The following MCAT variants were observed in gnomAD, a reference collection of about 807,000 sequenced individuals.
The protein encoded by MCAT is malonyl-CoA-acyl carrier protein transacylase, mitochondrial.
Under a neutral mutation model 22.9 loss-of-function variants are expected in MCAT, and 22 were observed. The observed-to-expected ratio is 0.96, with a 90% confidence interval of 0.69 to 1.37. The LOEUF is 1.37. MCAT is among the 40% of genes most tolerant of loss of function. The pLI is 0.00. For missense variants in MCAT, 534 were observed against 533.6 expected (o/e 1.00, Z -0.01); for synonymous variants, 240 against 233.9 (o/e 1.03, Z -0.24).
chr22:43,136,235 C>A (rs941746577), intron 3 of MCAT, among the ~76,000 whole-genome samples: 4 of 152,184 alleles, frequency 2.6e-5, no homozygotes, highest in Admixed American at 2.0e-4. Flanking sequence ...CACAGTGAGA[C>A]CCTGTCTCAA....
rs140137125 is a variant in MCAT, at chr22:43,133,088, C to T, written c.1128G>A (p.Gln376=). ...GGTCCAGGTCCACATGTTCGAGGGT[C>T]TGCAGCACATCCACGGCGCTGTAGG... is the stretch of plus-strand genomic sequence containing the variant. ...WKSYSAVDVL[Q]TLEHVDLDPQ... Residue 376 remains glutamine, a synonymous_variant, in exon 4 of 4, where the codon CAG becomes CAA. Coordinates refer to ENST00000290429, the MANE Select transcript of MCAT (RefSeq NM_173467.5). The T allele has an allele frequency of 6.2e-7, 1 of 1,614,074 alleles. No individual in the cohort carries two copies. The highest frequency in any genetic ancestry group is 1.1e-5 in the South Asian group (1 of 91,084).
intron 1 of MCAT, 34 bp downstream of exon 1, chr22:43,142,892 C>G: frequency 6.8e-7 from 1 of 1,471,198 alleles, no homozygotes; most frequent in Middle Eastern, 1.8e-4. Context: ...CAGAGCTCAC[C>G]TTCCCCCTCC....
rs1930491491 is a variant in MCAT at position 43,133,032 on chromosome 22, GC to G, written c.*10del. ...GGACAGAGGGGGTCATCGCATTTGA[GC>G]CCCCTGCAGTCATCTCGGGGGCTCC... On this transcript the variant is annotated 3_prime_UTR_variant, in exon 4 of 4. Coordinates refer to ENST00000290429, the MANE Select transcript of MCAT (RefSeq NM_173467.5). The G allele has an allele frequency of 1.9e-6, 3 of 1,607,932 alleles. No individual in the cohort carries two copies. The highest frequency in any genetic ancestry group is 1.7e-4 in the Middle Eastern group (1 of 5,852).
Position 43,143,282 on chromosome 22 carries a change from A to G in MCAT, c.67T>C (p.Ser23Pro). 1 of 1,433,280 alleles carries G rather than the reference A, an allele frequency of 7.0e-7. No individual in the cohort carries two copies. The highest frequency in any genetic ancestry group is 9.1e-7 in the Non-Finnish European group (1 of 1,104,702). The allele number at this position is 1,433,280 out of a possible 1,614,324, so 88.8% of individuals were successfully genotyped here. A position where few individuals can be genotyped will look rare whatever the true frequency, so the allele number is the denominator to read the frequency against. ...GLGASYRRGA[S>P]SFPVPPPGAQ... ...CCCGGCGGAGGCACCGGGAAGCTCG[A>G]GGCGCCGCGGCGGTAGCTGGCGCCC... Residue 23 changes from serine to proline, a missense_variant, in exon 1 of 4, where the codon TCG becomes CCG. Ser to Pro is a moderately conservative substitution (Grantham distance 74, BLOSUM62 -1). Transcript: ENST00000290429.
At chr22:43,141,116 G>T in intron 2 of MCAT, 46 bp downstream of exon 2, 1 of 1,546,218 alleles carries the variant, frequency 6.5e-7, no homozygotes, top group South Asian at 1.1e-5. Flanking sequence ...TACCCCTAAT[G>T]AGCCCAAGAC....
rs751898598 is a variant in MCAT at position 43,137,314 on chromosome 22, C to G, written c.512-16G>C. 2 of 1,605,762 alleles carry G rather than the reference C, an allele frequency of 1.2e-6. No individual in the cohort carries two copies. Among genetic ancestry groups the G allele is most frequent in the South Asian group, 1.1e-5 (1 of 90,630 alleles). ...GCATACAAACCTGGCCAGAGAGAAGCGCATTTGGAAAAATGAGGGCACAGA... is the reference window on the plus strand; with the variant it reads ...GCATACAAACCTGGCCAGAGAGAAGGGCATTTGGAAAAATGAGGGCACAGA... On this transcript the variant is annotated splice_polypyrimidine_tract_variant and intron_variant, in intron 2 of 3. Coordinates refer to ENST00000290429, the MANE Select transcript of MCAT (RefSeq NM_173467.5).
intron 1 of MCAT, among the ~76,000 whole-genome samples, chr22:43,142,056 A>G (rs919188700): frequency 6.6e-6 from 1 of 152,248 alleles, no homozygotes; most frequent in African/African-American, 2.4e-5. Flanking sequence ...AATTCTTTTA[A>G]TATCCCTGAG....
chr22:43,132,360 G>A lies in MCAT; in HGVS notation c.*683C>T, dbSNP rs1183406271. 1 of 152,462 alleles carries A rather than the reference G, an allele frequency of 6.6e-6. No individual in the cohort carries two copies. The highest frequency in any genetic ancestry group is 2.4e-5 in the African/African-American group (1 of 41,432). The allele number at this position is 152,462 out of a possible 1,614,324, so 9.4% of individuals were successfully genotyped here. A position where few individuals can be genotyped will look rare whatever the true frequency, so the allele number is the denominator to read the frequency against. The stretch of plus-strand genomic sequence containing the variant: ...TGGGTGACCAGGGTGTTCCTCCATG[G>A]TTCCACCCCTAGGACCAGGGCCTCA... On this transcript the variant is annotated 3_prime_UTR_variant, in exon 4 of 4. Coordinates refer to ENST00000290429, the MANE Select transcript of MCAT (RefSeq NM_173467.5).
At position 43,132,793 on chromosome 22, in the gene MCAT, C is replaced by T; in HGVS notation, c.*250G>A. The T allele has an allele frequency of 2.0e-6, 1 of 511,954 alleles. No individual in the cohort carries two copies. The highest frequency in any genetic ancestry group is 3.5e-6 in the Non-Finnish European group (1 of 283,190). 31.7% of individuals were successfully genotyped at this position (511,954 alleles called of 1,614,324 possible). ...AGAGGCGGGGCCAGGATTCTAGCTT[C>T]CCCACACACCAGCCCTGTGGCATCA... On this transcript the variant is annotated 3_prime_UTR_variant, in exon 4 of 4. Coordinates refer to ENST00000290429, the MANE Select transcript of MCAT (RefSeq NM_173467.5).
intron 1 of MCAT, 46 bp from the exon 2 acceptor site, chr22:43,141,295 C>G: frequency 6.5e-7 from 1 of 1,533,532 alleles, no homozygotes; most frequent in Non-Finnish European, 9.0e-7. Context: ...TCCTGGGGAT[C>G]CCAGTTCCAG....
At chr22:43,137,840 AG>A (rs2147035027) in intron 2 of MCAT, among the ~76,000 whole-genome samples, 1 of 152,148 alleles carries the variant, frequency 6.6e-6, no homozygotes, top group South Asian at 2.1e-4. Flanking sequence ...AACCTCCTTG[AG>A]GTTCAAATTT....
intron 1 of MCAT, among the ~76,000 whole-genome samples, chr22:43,141,641 G>A (rs1601745313): frequency 6.6e-6 from 1 of 152,036 alleles, no homozygotes; most frequent in East Asian, 1.9e-4. Flanking sequence ...GCGTGATCTC[G>A]GCTCACTGCA....
intron 3 of MCAT, 131 bp from the exon 4 acceptor site, chr22:43,133,617 C>G: frequency 1.5e-6 from 1 of 652,718 alleles, no homozygotes; most frequent in African/African-American, 1.8e-5. Flanking sequence ...GACATGTGAC[C>G]TGTCTGTCCC....
In MCAT at chr22:43,133,014, G is replaced by T. The variant is rs146686454; in HGVS notation, c.*29C>A. 2,172 of 1,601,250 alleles carry T rather than the reference G, an allele frequency of 1.4e-3. 38 individuals are homozygous for T. In the East Asian group the frequency reaches 0.043, roughly 31 times the overall value. On this transcript the variant is annotated 3_prime_UTR_variant, in exon 4 of 4. Transcript: ENST00000290429. ...TACAGCCTCTCCTCAGGAGGACAGA[G>T]GGGGTCATCGCATTTGAGCCCCCTG...
Position 43,143,232 on chromosome 22 carries a change from C to T in MCAT, c.117G>A (p.Leu39=). 6.6e-7 allele frequency: 1 copy of T among 1,513,046 alleles called. No individual in the cohort carries two copies. Among genetic ancestry groups the T allele is most frequent in the Non-Finnish European group, 8.8e-7 (1 of 1,140,692 alleles). 93.7% of individuals were successfully genotyped at this position (1,513,046 alleles called of 1,614,324 possible). The part of the protein sequence containing the change: ...PPGAQGVAEL[L]RDATGAEEEA... ...CCTCCTCCGCCCCGGTCGCATCTCG[C>T]AGCAGCTCCGCTACACCCTGGGCGC... Residue 39 remains leucine (L), a synonymous_variant, in exon 1 of 4, where the codon CTG becomes CTA. Coordinates refer to ENST00000290429, the MANE Select transcript of MCAT (RefSeq NM_173467.5).
intron 3 of MCAT, 26 bp from the exon 4 acceptor site, chr22:43,133,512 G>A (rs989529213): frequency 1.2e-5 from 18 of 1,550,892 alleles, no homozygotes; most frequent in Middle Eastern, 1.8e-4. Context: ...GGTTTCAGCC[G>A]AGCAATGTCC....
chr22:43,133,104 G>A lies in MCAT; in HGVS notation c.1112C>T (p.Ala371Val). ...CNMQAWKSYS[A>V]VDVLQTLEHV... ...TTCGAGGGTCTGCAGCACATCCACG[G>A]CGCTGTAGGACTTCCAGGCCTGCAT... The change falls in exon 4 of 4, where the codon GCC becomes GTC. Residue 371 changes from alanine (A) to valine (V), a missense_variant. Physicochemically the swap from Ala to Val is moderately conservative, Grantham distance 64 (BLOSUM62 0). Coordinates refer to ENST00000290429, the MANE Select transcript of MCAT (RefSeq NM_173467.5). 2 of 1,614,168 alleles carry A rather than the reference G, an allele frequency of 1.2e-6. No individual in the cohort carries two copies. The highest frequency in any genetic ancestry group is 1.7e-6 in the Non-Finnish European group (2 of 1,180,036).
chr22:43,134,058 A>AC (rs1930535593), intron 3 of MCAT, among the ~76,000 whole-genome samples: 1 of 152,008 alleles, frequency 6.6e-6, no homozygotes, highest in Admixed American at 6.6e-5. Flanking sequence ...GAGCCGCCGC[A>AC]CCCGGATCTC....
At chr22:43,135,732 C>T (rs1213373441) in intron 3 of MCAT, among the ~76,000 whole-genome samples, 1 of 152,142 alleles carries the variant, frequency 6.6e-6, no homozygotes, top group Non-Finnish European at 1.5e-5. Flanking sequence ...TCAGAACAGT[C>T]ATAAGAGGCT....
Sources: allele counts gnomAD v4.1 joint callset (sites outside exome capture counted in the v4.1 genomes callset), GRCh38; gene constraint gnomAD v4.1.1; transcripts MANE v1.5; gene names NCBI Gene and HGNC (gene_info 2026-07-23, HGNC 2026-07-21).